The following RGS7BP variants were observed in gnomAD, a reference collection of about 807,000 sequenced individuals.
RGS7BP encodes the protein regulator of G protein signaling 7-binding protein.
In RGS7BP, 9 loss-of-function variants were observed where a neutral mutation model predicts 31.3. The observed-to-expected ratio is 0.29, with a 90% CI of 0.17 to 0.50. RGS7BP has a LOEUF of 0.50. Among genes scored for constraint, RGS7BP ranks in the 20% least tolerant of loss-of-function variants. RGS7BP has a pLI of 0.98. For synonymous variants in RGS7BP, 115 were observed against 120.1 expected (o/e 0.96, Z 0.28); for missense variants, 274 against 322.0 (o/e 0.85, Z 1.14).
At chr5:64,605,477 C>T (rs10060705) in intron 5 of RGS7BP, among the ~76,000 whole-genome samples, 65,453 of 151,866 alleles carry the variant, frequency 0.43, 15,306 homozygotes, top group Middle Eastern at 0.6. Context: ...CTGAGATAGG[C>T]TTTCAGAGAC....
At chr5:64,512,555 G>A (rs1185545993) in intron 2 of RGS7BP, among the ~76,000 whole-genome samples, 1 of 152,206 alleles carries the variant, frequency 6.6e-6, no homozygotes, top group Non-Finnish European at 1.5e-5. Context: ...CAGAGTATAT[G>A]GCATTGTGAG....
chr5:64,598,304 G>C (rs1160307896), intron 4 of RGS7BP, 61 bp from the exon 5 acceptor site: 3 of 954,780 alleles, frequency 3.1e-6, no homozygotes, highest in Non-Finnish European at 5.2e-6. Context: ...ATAACAGATT[G>C]TTTGAGATTT....
chr5:64,562,502 C>T (rs1470544018), intron 2 of RGS7BP, among the ~76,000 whole-genome samples: 1 of 151,990 alleles, frequency 6.6e-6, no homozygotes, highest in Non-Finnish European at 1.5e-5. Flanking sequence ...AGATAGAAAC[C>T]CAGGGAGGGC....
chr5:64,587,963 A>C (rs897861594), intron 3 of RGS7BP, among the ~76,000 whole-genome samples: 12 of 152,192 alleles, frequency 7.9e-5, no homozygotes, highest in African/African-American at 2.9e-4. Context: ...ATTTGAACAG[A>C]CATCCAGGAA....
At chr5:64,507,094 C>T (rs1175775745) in intron 1 of RGS7BP, among the ~76,000 whole-genome samples, 1 of 152,092 alleles carries the variant, frequency 6.6e-6, no homozygotes, top group Non-Finnish European at 1.5e-5. Flanking sequence ...GGCTCGCTCA[C>T]GGAGGAGGGA....
At chr5:64,567,136 G>A (rs766377987) in intron 2 of RGS7BP, among the ~76,000 whole-genome samples, 24 of 151,516 alleles carry the variant, frequency 1.6e-4, no homozygotes, top group Middle Eastern at 3.2e-3. Context: ...CAGCTACTGC[G>A]CATGTGCACC....
intron 3 of RGS7BP, among the ~76,000 whole-genome samples, chr5:64,593,828 C>T (rs1032400694): frequency 1.3e-5 from 2 of 152,052 alleles, no homozygotes; most frequent in Non-Finnish European, 2.9e-5. Context: ...GTTTAAAACC[C>T]AGTTCTCGGG....
At chr5:64,595,865 C>A (rs1018001754) in intron 4 of RGS7BP, among the ~76,000 whole-genome samples, 1 of 152,112 alleles carries the variant, frequency 6.6e-6, no homozygotes, top group Non-Finnish European at 1.5e-5. Flanking sequence ...TACCGAATTT[C>A]TGTGTTTATA....
chr5:64,575,221 A>AT (rs993400404), intron 2 of RGS7BP, among the ~76,000 whole-genome samples: 1 of 152,048 alleles, frequency 6.6e-6, no homozygotes, highest in African/African-American at 2.4e-5. Flanking sequence ...TGAAATTTTA[A>AT]TTTTTTCATT....
chr5:64,565,650 A>G (rs1742151489), intron 2 of RGS7BP, among the ~76,000 whole-genome samples: 1 of 152,100 alleles, frequency 6.6e-6, no homozygotes, highest in Admixed American at 6.6e-5. Context: ...CTGCTTTTAA[A>G]GCCACCTTGG....
In RGS7BP at chr5:64,607,430, A is replaced by G. The variant is rs563751063; in HGVS notation, c.683-1731A>G. 1.1e-4 allele frequency among the ~76,000 whole-genome samples: 16 copies of G among 152,216 alleles called. No individual in the cohort carries two copies. The East Asian group carries it at 2.9e-3, about 28-fold the overall frequency. On this transcript the variant is annotated intron_variant, in intron 5 of 5. Coordinates refer to ENST00000334025, the MANE Select transcript of RGS7BP (RefSeq NM_001029875.3). Reference sequence around the variant, plus strand: ...AGACATAAGACATTAATCGATACACATAAGATGTATATCGGTTTGGTCTGG... The same window carrying G: ...AGACATAAGACATTAATCGATACACGTAAGATGTATATCGGTTTGGTCTGG...
At chr5:64,531,729 A>C (rs901441296) in intron 2 of RGS7BP, among the ~76,000 whole-genome samples, 1 of 152,214 alleles carries the variant, frequency 6.6e-6, no homozygotes, top group Admixed American at 6.5e-5. Flanking sequence ...CCTGAAAAAA[A>C]TCTTGTTTGT....
chr5:64,543,688 C>G (rs1428877135), intron 2 of RGS7BP, among the ~76,000 whole-genome samples: 1 of 152,184 alleles, frequency 6.6e-6, no homozygotes, highest in Non-Finnish European at 1.5e-5. Flanking sequence ...CAGGGTCATG[C>G]AAGAAAATGA....
At chr5:64,522,353 C>T (rs1236391359) in intron 2 of RGS7BP, among the ~76,000 whole-genome samples, 3 of 152,140 alleles carry the variant, frequency 2.0e-5, no homozygotes, top group Non-Finnish European at 2.9e-5. Flanking sequence ...CACCAGTGGA[C>T]ATTTGAGAAG....
chr5:64,548,798 C>T (rs866242630), intron 2 of RGS7BP, among the ~76,000 whole-genome samples: 24 of 151,858 alleles, frequency 1.6e-4, no homozygotes, highest in Admixed American at 3.9e-4. Flanking sequence ...TGAGCCACCA[C>T]TCCTGGCCTT....
At chr5:64,543,602 G>T (rs1157464728) in intron 2 of RGS7BP, among the ~76,000 whole-genome samples, 1 of 152,220 alleles carries the variant, frequency 6.6e-6, no homozygotes, top group Non-Finnish European at 1.5e-5. Flanking sequence ...TCCGTTAGGG[G>T]CAGGGGACAG....
Position 64,506,806 on chromosome 5 carries a change from C to T in RGS7BP, c.165+17C>T. 1 of 1,479,760 alleles carries T rather than the reference C, an allele frequency of 6.8e-7. No homozygotes were observed. Among genetic ancestry groups the T allele is most frequent in the Admixed American group, 2.3e-5 (1 of 43,864 alleles). The allele number at this position is 1,479,760 out of a possible 1,614,324, so 91.7% of individuals were successfully genotyped here. On this transcript the variant is annotated intron_variant, in intron 1 of 5. Transcript: ENST00000334025. The surrounding 1 kb of genome is among the most constrained non-coding windows in gnomAD (Gnocchi z 4.6). ...TGCAAGATGGTGGGTGAAAACTGCG[C>T]CTCTTTTTTTTTTTTTTTAATTGAG...
At chr5:64,574,522 T>C (rs971871735) in intron 2 of RGS7BP, among the ~76,000 whole-genome samples, 2 of 152,314 alleles carry the variant, frequency 1.3e-5, no homozygotes, top group Non-Finnish European at 1.5e-5. Flanking sequence ...CCAAATTTTG[T>C]GTGCAGGCTC....
At chr5:64,600,211 G>A (rs1035165265) in intron 5 of RGS7BP, among the ~76,000 whole-genome samples, 6 of 152,090 alleles carry the variant, frequency 3.9e-5, no homozygotes, top group African/African-American at 9.7e-5. Context: ...TCAGTAGCAC[G>A]CTGGCCTCTC....
Sources: gnomAD v4.1 joint callset for allele counts (sites outside exome capture counted in the v4.1 genomes callset) on GRCh38, gnomAD v4.1.1 for gene constraint, Gnocchi (gnomAD v3.1) non-coding constraint, MANE v1.5 for transcripts, NCBI Gene and HGNC (gene_info 2026-07-23, HGNC 2026-07-21) for gene names.